The following DMGDH variants were observed in gnomAD, a reference collection of about 807,000 sequenced individuals.
The protein encoded by DMGDH is dimethylglycine dehydrogenase, mitochondrial.
DMGDH carries 76 observed loss-of-function variants against 95.2 expected under a neutral mutation model. That is an observed-to-expected ratio of 0.80 (90% CI 0.66 to 0.97). The LOEUF (loss-of-function observed/expected upper bound fraction) is 0.97, where lower values mean the gene tolerates loss of function less well. Among genes scored for constraint, DMGDH ranks in the 50% least tolerant of loss-of-function variants. DMGDH has a pLI of 0.00. For synonymous variants in DMGDH, 345 were observed against 377.6 expected, an observed-to-expected ratio of 0.91 and a Z score of 1.00; for missense variants, 987 against 1,055.0, an observed-to-expected ratio of 0.94 and a Z score of 0.89.
chr5:78,998,526 A>G (rs1020862648), intron 15 of DMGDH, among the ~76,000 whole-genome samples: 2 of 152,212 alleles, frequency 1.3e-5, no homozygotes, highest in African/African-American at 4.8e-5. Flanking sequence ...CATCTGTATT[A>G]CTCTGAAATT....
chr5:79,060,327 CTCT>C (rs1263422933), intron 2 of DMGDH, among the ~76,000 whole-genome samples: 12 of 152,242 alleles, frequency 7.9e-5, no homozygotes, highest in Non-Finnish European at 1.6e-4. Context: ...ACTCCATCCT[CTCT>C]TGTTTCCCTG....
At chr5:79,036,298 G>T (rs1422162089) in intron 7 of DMGDH, among the ~76,000 whole-genome samples, 1 of 152,136 alleles carries the variant, frequency 6.6e-6, no homozygotes, top group African/African-American at 2.4e-5. Context: ...GGACAATTAG[G>T]TTCTTCTTCT....
chr5:79,055,992 A>G, intron 2 of DMGDH, 84 bp from the exon 3 acceptor site: 1 of 939,984 alleles, frequency 1.1e-6, no homozygotes, highest in Non-Finnish European at 1.7e-6. Flanking sequence ...GCAATAATTT[A>G]ATGCTGGAAA....
chr5:79,068,920 T>C (rs1212815922), intron 1 of DMGDH, among the ~76,000 whole-genome samples: 3 of 152,216 alleles, frequency 2.0e-5, no homozygotes, highest in Non-Finnish European at 4.4e-5. Context: ...GAGAATGTGT[T>C]GCTGTCTTTC....
chr5:79,039,500 T>C (rs1173384811), intron 7 of DMGDH, among the ~76,000 whole-genome samples: 1 of 151,984 alleles, frequency 6.6e-6, no homozygotes, highest in Non-Finnish European at 1.5e-5. Context: ...AGGTCGGAAT[T>C]GAACAATGAG....
At position 78,997,644 on chromosome 5, in the gene DMGDH, A is replaced by G. The variant is rs527924584; in HGVS notation, c.*438T>C. 1 of 163,240 alleles carries G rather than the reference A, an allele frequency of 6.1e-6. No homozygotes were observed. The highest frequency in any genetic ancestry group is 2.4e-5 in the African/African-American group (1 of 41,632). 10.1% of individuals were successfully genotyped at this position (163,240 alleles called of 1,614,324 possible). A position where few individuals can be genotyped will look rare whatever the true frequency, so the allele number is the denominator to read the frequency against. On this transcript the variant is annotated 3_prime_UTR_variant, in exon 16 of 16. Transcript: ENST00000255189. Reference sequence around the variant, plus strand: ...AAACTTTCATTTATTCATCTAAGGAAAGATTTCTCAAAGAAGTAAATCCAT... The same window carrying G: ...AAACTTTCATTTATTCATCTAAGGAGAGATTTCTCAAAGAAGTAAATCCAT...
Position 79,044,468 on chromosome 5 carries a change from G to A in DMGDH, c.830C>T (p.Thr277Ile), listed in dbSNP as rs753009586. Residue 277 changes from threonine (T) to isoleucine (I), a missense_variant, in exon 6 of 16, where the codon ACT (threonine) becomes ATT (isoleucine). Thr to Ile is a moderately conservative substitution (Grantham distance 89). Coordinates refer to ENST00000255189, the MANE Select transcript of DMGDH (RefSeq NM_013391.3). ...PVQHQYVVTS[T>I]ISEVKALKRE... Reference sequence around the variant, plus strand: ...TTTCAAAGCTTTCACTTCAGATATAGTCGATGTAACAACATATTGATGTTG... The same window carrying A: ...TTTCAAAGCTTTCACTTCAGATATAATCGATGTAACAACATATTGATGTTG... 3.7e-6 allele frequency: 6 copies of A among 1,614,114 alleles called. No individual in the cohort carries two copies. Among genetic ancestry groups the A allele is most frequent in the Middle Eastern group, 1.6e-4 (1 of 6,062 alleles).
intron 12 of DMGDH, among the ~76,000 whole-genome samples, chr5:79,026,844 T>C (rs747973603): frequency 6.6e-5 from 10 of 152,118 alleles, no homozygotes; most frequent in Non-Finnish European, 1.3e-4. Flanking sequence ...AGAAAGACTA[T>C]AATACAGGAA....
At chr5:79,050,275 T>A (rs4254888) in intron 5 of DMGDH, among the ~76,000 whole-genome samples, 5,205 of 19,610 alleles carry the variant, frequency 0.27, 243 homozygotes, top group Non-Finnish European at 0.31. Flanking sequence ...AAAAAAAAAA[T>A]ATATATATAT....
At chr5:79,069,194 T>C (rs1334942699) in intron 1 of DMGDH, among the ~76,000 whole-genome samples, 1 of 152,140 alleles carries the variant, frequency 6.6e-6, no homozygotes, top group Non-Finnish European at 1.5e-5. Context: ...CCAAGATATA[T>C]TGATAATTGT....
intron 15 of DMGDH, among the ~76,000 whole-genome samples, chr5:79,003,709 G>A (rs189003070): frequency 6.6e-6 from 1 of 152,162 alleles, no homozygotes; most frequent in Admixed American, 6.5e-5. Context: ...CAGCACTTCG[G>A]GAGGCCAAGG....
intron 15 of DMGDH, chr5:79,000,662 G>T: frequency 3.3e-6 from 2 of 610,600 alleles, no homozygotes; most frequent in Non-Finnish European, 6.3e-6. Flanking sequence ...TCTGGGCCTG[G>T]TTCTGTCATC....
chr5:79,054,366 G>A lies in DMGDH; in HGVS notation c.376-18C>T, dbSNP rs1443512591. 2 of 1,613,520 alleles carry A rather than the reference G, an allele frequency of 1.2e-6. No homozygotes were observed. The highest frequency in any genetic ancestry group is 1.7e-6 in the Non-Finnish European group (2 of 1,179,586). The stretch of plus-strand genomic sequence containing the variant: ...CCCACCACCTGTGACAATAATTCCA[G>A]TGAGAGCATATAAATAAGTCATTGT... On this transcript the variant is annotated intron_variant, in intron 3 of 15. Transcript: ENST00000255189.
At position 79,010,398 on chromosome 5, in the gene DMGDH, G is replaced by A. The variant is rs577408627; in HGVS notation, c.2251-4991C>T. On this transcript the variant is annotated intron_variant, in intron 14 of 15. Transcript: ENST00000255189. ...ACTGGGTAGAGATTATGAAAATACA[G>A]TCTTGGACCTTTTCTTTTCCATCTA... Among the ~76,000 whole-genome samples the A allele has an allele frequency of 2.0e-5, 3 of 152,282 alleles. No homozygotes were observed. In the South Asian group the frequency reaches 6.2e-4, roughly 32 times the overall value.
At chr5:79,049,414 A>C (rs1394301854) in intron 5 of DMGDH, among the ~76,000 whole-genome samples, 8 of 152,224 alleles carry the variant, frequency 5.3e-5, no homozygotes, top group Non-Finnish European at 1.2e-4. Context: ...TGCCTAAAGT[A>C]CTGTGTTGAG....
intron 14 of DMGDH, chr5:79,021,725 G>C (rs1219957893): frequency 7.8e-7 from 1 of 1,288,924 alleles, no homozygotes; most frequent in South Asian, 1.2e-5. Context: ...ACATGTGGGG[G>C]AAGTGTCTAT....
intron 9 of DMGDH, 37 bp from the exon 10 acceptor site, chr5:79,031,035 GTTCA>G: frequency 6.2e-7 from 1 of 1,611,740 alleles, no homozygotes; most frequent in Non-Finnish European, 8.5e-7. Context: ...AACAACTCCC[GTTCA>G]TTTTTCAAAA....
chr5:79,047,967 C>G (rs1040460524), intron 5 of DMGDH, among the ~76,000 whole-genome samples: 1 of 152,046 alleles, frequency 6.6e-6, no homozygotes, highest in African/African-American at 2.4e-5. Flanking sequence ...TTTGGGAAGT[C>G]AACTTACCAG....
chr5:79,023,648 A>T (rs1328818450), intron 14 of DMGDH, among the ~76,000 whole-genome samples: 2 of 152,248 alleles, frequency 1.3e-5, no homozygotes, highest in African/African-American at 4.8e-5. Context: ...TCTGAAGGCT[A>T]CATTTTAAGA....
Sources: gnomAD v4.1 joint callset for allele counts (sites outside exome capture counted in the v4.1 genomes callset) on GRCh38, gnomAD v4.1.1 for gene constraint, MANE v1.5 for transcripts, NCBI Gene and HGNC (gene_info 2026-07-23, HGNC 2026-07-21) for gene names.